The following CCDC112 variants were observed in gnomAD, a reference collection of about 807,000 sequenced individuals.
CCDC112 encodes the protein coiled-coil domain-containing protein 112.
A neutral mutation model predicts 66.3 loss-of-function variants in CCDC112; 40 were observed. The ratio of observed to expected loss-of-function variants is 0.60; its 90% confidence interval spans 0.47 to 0.79. CCDC112 has a LOEUF of 0.79. Among genes scored for constraint, CCDC112 ranks in the 30% least tolerant of loss-of-function variants. The probability of loss-of-function intolerance (pLI) is 0.00; values close to 1 mark genes in which losing one functional copy is unlikely to be tolerated. For synonymous variants in CCDC112, 214 were observed against 197.2 expected, an observed-to-expected ratio of 1.09 and a Z score of -0.71; for missense variants, 659 against 603.8, an observed-to-expected ratio of 1.09 and a Z score of -0.96.
intron 3 of CCDC112, among the ~76,000 whole-genome samples, chr5:115,277,727 T>G (rs1319371138): frequency 6.6e-6 from 1 of 152,190 alleles, no homozygotes; most frequent in Non-Finnish European, 1.5e-5. Flanking sequence ...TCAAATTGTC[T>G]TTATCAGCAT....
chr5:115,271,924 T>A (rs1749018707), intron 6 of CCDC112, among the ~76,000 whole-genome samples: 1 of 123,370 alleles, frequency 8.1e-6, no homozygotes, highest in South Asian at 3.5e-4. Context: ...TACTGCTTCT[T>A]TTTTTTTTTT....
rs1580793942 is a variant in CCDC112, at chr5:115,271,112, C to G, written c.1332+101G>C. ...CATTTTGGTATACTAATGCTATACA[C>G]AGGTCCAATATACAAATACTCAATT... On this transcript the variant is annotated intron_variant, in intron 7 of 9. Coordinates refer to ENST00000379611, the MANE Select transcript of CCDC112 (RefSeq NM_001040440.3). The G allele has an allele frequency of 4.7e-6, 5 of 1,064,098 alleles. 1 individual carries two copies. The South Asian group carries it at 6.4e-5, about 14-fold the overall frequency. 65.9% of individuals were successfully genotyped at this position (1,064,098 alleles called of 1,614,324 possible).
chr5:115,269,751 T>A lies in CCDC112; in HGVS notation c.1380A>T (p.Glu460Asp). 6.2e-7 allele frequency: 1 copy of A among 1,601,810 alleles called. No homozygotes were observed. Among genetic ancestry groups the A allele is most frequent in the South Asian group, 1.1e-5 (1 of 88,748 alleles). ...TTCTTTGTTTTTGTGACTTTTCATC[T>A]TCCTTTGCCTGTCTATCTAGAATTT... is the stretch of plus-strand genomic sequence containing the variant. ...ELKILDRQAK[E>D]DEKSQKQRRL... Residue 460 changes from glutamate to aspartate, a missense_variant, in exon 8 of 10, where the codon GAA becomes GAT. By Grantham distance (45) the Glu-to-Asp change is conservative. Transcript: ENST00000379611.
Position 115,280,559 on chromosome 5 carries a change from C to CT in CCDC112, c.240-792dup, listed in dbSNP as rs952117654. 404 of 146,310 alleles carry CT rather than the reference C, an allele frequency of 2.8e-3. 1 individual carries two copies. Among genetic ancestry groups the CT allele is most frequent in the Middle Eastern group, 0.011 (3 of 284 alleles). 9.1% of individuals were successfully genotyped at this position (146,310 alleles called of 1,614,324 possible). ...GCAAAGAAATCAATTCTCAAATTAC[C>CT]TTTTTTTTTTTGAGACAGGGTCTGG... On this transcript the variant is annotated intron_variant, in intron 2 of 9. Coordinates refer to ENST00000379611, the MANE Select transcript of CCDC112 (RefSeq NM_001040440.3).
Position 115,271,234 on chromosome 5 carries a change from T to A in CCDC112, c.1311A>T (p.Glu437Asp), listed in dbSNP as rs200498332. 64 of 1,580,380 alleles carry A rather than the reference T, an allele frequency of 4.0e-5. No individual in the cohort carries two copies. The highest frequency in any genetic ancestry group is 5.2e-5 in the Non-Finnish European group (61 of 1,171,462). Reference sequence around the variant, plus strand: ...TCACTCTTTCTTGAAATCTGGAAATTTCATCAGCAGCATTTTTCCTTTTTT... The same window carrying A: ...TCACTCTTTCTTGAAATCTGGAAATATCATCAGCAGCATTTTTCCTTTTTT... Reference protein sequence around the residue: ...KAEKRKNAADEISRFQERDLH... With the variant: ...KAEKRKNAADDISRFQERDLH... The change falls in exon 7 of 10, where the codon GAA becomes GAT. Residue 437 changes from glutamate (E) to aspartate (D), a missense_variant. Glu to Asp is a conservative substitution (Grantham distance 45). Transcript: ENST00000379611.
chr5:115,288,987 G>C (rs1017691178), intron 1 of CCDC112: 1 of 288,712 alleles, frequency 3.5e-6, no homozygotes, highest in Non-Finnish European at 6.6e-6. Context: ...TAATCAGATT[G>C]GCTTCCTTTT....
At chr5:115,288,966 G>T in intron 1 of CCDC112, 2 of 372,484 alleles carry the variant, frequency 5.4e-6, no homozygotes, top group Admixed American at 3.8e-5. Flanking sequence ...CTAAGACACA[G>T]TAGATGATAT....
intron 7 of CCDC112, among the ~76,000 whole-genome samples, chr5:115,270,115 T>C (rs930162833): frequency 1.6e-4 from 24 of 152,164 alleles, no homozygotes; most frequent in African/African-American, 5.8e-4. Flanking sequence ...CATTATTTTA[T>C]ATTTTCTGTT....
In CCDC112 at chr5:115,271,434, T is replaced by G. The variant is rs34508935; in HGVS notation, c.1111A>C (p.Met371Leu). The change falls in exon 7 of 10, where the codon ATG becomes CTG. Residue 371 changes from methionine (M) to leucine (L), a missense_variant. Met to Leu is a conservative substitution (Grantham distance 15). Transcript: ENST00000379611. ...TCTTTTAACTGGGAAGCACATTTCA[T>G]TGACATTTCTATACTTTTCTGTTTC... Reference protein sequence around the residue: ...WKKQKSIEMSMKCASQLKEEE... With the variant: ...WKKQKSIEMSLKCASQLKEEE... 6.2e-7 allele frequency: 1 copy of G among 1,610,260 alleles called. No individual in the cohort carries two copies. The highest frequency in any genetic ancestry group is 1.3e-5 in the African/African-American group (1 of 74,672).
chr5:115,296,532 C>A lies in CCDC112; in HGVS notation c.12G>T (p.Leu4=). 1 of 1,517,984 alleles carries A rather than the reference C, an allele frequency of 6.6e-7. No homozygotes were observed. The highest frequency in any genetic ancestry group is 8.8e-7 in the Non-Finnish European group (1 of 1,136,864). 94.0% of individuals were successfully genotyped at this position (1,517,984 alleles called of 1,614,324 possible). A position where few individuals can be genotyped will look rare whatever the true frequency, so the allele number is the denominator to read the frequency against. The change falls in exon 1 of 10, where the codon CTG becomes CTT. Residue 4 remains leucine (L), a synonymous_variant. Coordinates refer to ENST00000379611, the MANE Select transcript of CCDC112 (RefSeq NM_001040440.3). ...CCGCAGCCGCTACCACAACCGTCGT[C>A]AGTGCGGCCATGTTTACCCGCCGAG... The part of the protein sequence containing the change: MAA[L]TTVVVAAAAT...
At position 115,275,263 on chromosome 5, in the gene CCDC112, C is replaced by T. The variant is rs778540841; in HGVS notation, c.871G>A (p.Glu291Lys). Residue 291 changes from glutamate to lysine, a missense_variant, in exon 6 of 10, where the codon GAA becomes AAA. Physicochemically the swap from Glu to Lys is moderately conservative, Grantham distance 56. Coordinates refer to ENST00000379611, the MANE Select transcript of CCDC112 (RefSeq NM_001040440.3). ...GCCAGAAACTTTTGATACCATTTTT[C>T]ATGCTGTTGAACTTCATCTTGTGTT... ...GKTQDEVQQH[E>K]KWYQKFLALE... The T allele has an allele frequency of 6.2e-7, 1 of 1,610,922 alleles. No homozygotes were observed. The highest frequency in any genetic ancestry group is 8.5e-7 in the Non-Finnish European group (1 of 1,179,142).
intron 9 of CCDC112, among the ~76,000 whole-genome samples, chr5:115,268,457 G>C (rs927583023): frequency 1.3e-5 from 2 of 151,672 alleles, no homozygotes; most frequent in African/African-American, 4.8e-5. Context: ...ATTTTTAGTA[G>C]AGATGGGGTT....
Position 115,271,586 on chromosome 5 carries a change from T to C in CCDC112, c.959A>G (p.Glu320Gly). 6.4e-7 allele frequency: 1 copy of C among 1,553,784 alleles called. No individual in the cohort carries two copies. Among genetic ancestry groups the C allele is most frequent in the Non-Finnish European group, 8.6e-7 (1 of 1,157,974 alleles). The change falls in exon 7 of 10, where the codon GAG (glutamate) becomes GGG (glycine). Residue 320 changes from glutamate to glycine, a missense_variant. Physicochemically the swap from Glu to Gly is moderately conservative, Grantham distance 98. Coordinates refer to ENST00000379611, the MANE Select transcript of CCDC112 (RefSeq NM_001040440.3). ...IWKTKKQQKR[E>G]EIFKLKEKAD... ...CTTTTCCTTTAACTTGAAAATTTCC[T>C]CCCTTTTTTGCTGCTTTTTAGTTTT...
chr5:115,288,242 A>C (rs1461334452), intron 1 of CCDC112, among the ~76,000 whole-genome samples: 1 of 152,168 alleles, frequency 6.6e-6, no homozygotes, highest in Non-Finnish European at 1.5e-5. Flanking sequence ...TGGCCTCCCA[A>C]AGTGCTGGGA....
chr5:115,296,354 A>G lies in CCDC112; in HGVS notation c.117+73T>C, dbSNP rs538348294. 106 of 1,462,694 alleles carry G rather than the reference A, an allele frequency of 7.2e-5. No homozygotes were observed. In the South Asian group the frequency reaches 1.4e-3, roughly 19 times the overall value. 90.6% of individuals were successfully genotyped at this position (1,462,694 alleles called of 1,614,324 possible). On this transcript the variant is annotated intron_variant, in intron 1 of 9. Coordinates refer to ENST00000379611, the MANE Select transcript of CCDC112 (RefSeq NM_001040440.3). Reference sequence around the variant, plus strand: ...GCCGCGCCTCCCGCCGGCGCTGCAGAGGGCACCTGTTCAGCCAGGGCCTGC... The same window carrying G: ...GCCGCGCCTCCCGCCGGCGCTGCAGGGGGCACCTGTTCAGCCAGGGCCTGC...
Position 115,276,965 on chromosome 5 carries a change from A to C in CCDC112, c.451T>G (p.Phe151Val), listed in dbSNP as rs1303058265. 7 of 1,561,692 alleles carry C rather than the reference A, an allele frequency of 4.5e-6. No homozygotes were observed. The Admixed American group carries it at 1.0e-4, about 23-fold the overall frequency. Residue 151 changes from phenylalanine (F) to valine (V), a missense_variant and splice_region_variant, in exon 4 of 10, where the codon TTT becomes GTT. Transcript: ENST00000379611. ...QLKDVKPTPDFVEKLREMMEE... is the reference protein window; with the variant it reads ...QLKDVKPTPDVVEKLREMMEE... ...GATTATAATATCTAAATTTACTTAC[A>C]ATCAGGTGTAGGCTTCACATCTTTT... is the stretch of plus-strand genomic sequence containing the variant.
chr5:115,283,768 A>T (rs2909843), intron 2 of CCDC112, among the ~76,000 whole-genome samples: 45,917 of 151,962 alleles, frequency 0.3, 7,319 homozygotes, highest in Middle Eastern at 0.53. Flanking sequence ...ACCAATTCTG[A>T]CCCAGAGACC....
chr5:115,275,930 A>G, intron 5 of CCDC112, 64 bp downstream of exon 5: 1 of 1,061,820 alleles, frequency 9.4e-7, no homozygotes, highest in Non-Finnish European at 1.4e-6. Context: ...ACAAAAATGT[A>G]CTGGGGCCAG....
At chr5:115,284,964 G>C (rs1258221844) in intron 1 of CCDC112, 56 bp from the exon 2 acceptor site, 2 of 1,519,854 alleles carry the variant, frequency 1.3e-6, no homozygotes, top group Non-Finnish European at 1.8e-6. Context: ...ACATAAATGT[G>C]GAATTTTTTC....
Sources: gnomAD v4.1 joint callset for allele counts (sites outside exome capture counted in the v4.1 genomes callset) on GRCh38, gnomAD v4.1.1 for gene constraint, MANE v1.5 for transcripts, NCBI Gene and HGNC (gene_info 2026-07-23, HGNC 2026-07-21) for gene names.